Variants in ALK observed in about 807,000 individuals in gnomAD.
The protein encoded by ALK is ALK tyrosine kinase receptor.
Under a neutral mutation model 163.1 loss-of-function variants are expected in ALK, and 74 were observed. The ratio of observed to expected loss-of-function variants is 0.45; its 90% confidence interval spans 0.38 to 0.55. The LOEUF (loss-of-function observed/expected upper bound fraction) is 0.55. Ranked by LOEUF, ALK falls within the 20% of genes least tolerant of loss-of-function variation. ALK has a pLI of 0.00. For synonymous variants in ALK, 960 were observed against 843.2 expected, an observed-to-expected ratio of 1.14 and a Z score of -2.40; for missense variants, 2,063 against 2,105.3, an observed-to-expected ratio of 0.98 and a Z score of 0.39.
intron 4 of ALK, among the ~76,000 whole-genome samples, chr2:29,507,894 C>T (rs762886906): frequency 1.3e-5 from 2 of 152,158 alleles, no homozygotes. Context: ...GTTATCTTGG[C>T]CCCCAGCGTG....
chr2:29,873,876 C>T (rs1357671115), intron 1 of ALK, among the ~76,000 whole-genome samples: 5 of 152,008 alleles, frequency 3.3e-5, no homozygotes, highest in South Asian at 2.1e-4. Context: ...GCATCAAAAT[C>T]GCTTTTAATG....
At chr2:29,330,448 T>C (rs761147815) in intron 5 of ALK, among the ~76,000 whole-genome samples, 25 of 152,174 alleles carry the variant, frequency 1.6e-4, no homozygotes, top group Non-Finnish European at 3.5e-4. Flanking sequence ...AGAACGCTTG[T>C]GCACAATCCC....
At chr2:29,375,317 A>G (rs1447638270) in intron 5 of ALK, among the ~76,000 whole-genome samples, 1 of 151,728 alleles carries the variant, frequency 6.6e-6, no homozygotes. Context: ...TTTTATTTTT[A>G]TTTTTATTTA....
At chr2:29,610,242 A>G (rs1310029103) in intron 3 of ALK, among the ~76,000 whole-genome samples, 1 of 152,094 alleles carries the variant, frequency 6.6e-6, no homozygotes, top group Middle Eastern at 3.2e-3. Context: ...CAGCGTATGG[A>G]TGGGGAAACC....
chr2:29,893,735 A>G (rs1667203629), intron 1 of ALK, among the ~76,000 whole-genome samples: 1 of 152,148 alleles, frequency 6.6e-6, no homozygotes, highest in South Asian at 2.1e-4. Flanking sequence ...ATCTGTAATA[A>G]TAGAAATTAG....
At chr2:29,584,843 C>G (rs1234353332) in intron 3 of ALK, among the ~76,000 whole-genome samples, 1 of 152,216 alleles carries the variant, frequency 6.6e-6, no homozygotes, top group East Asian at 1.9e-4. Context: ...ATTGGTGTCT[C>G]TTTAAGGATC....
chr2:29,424,227 G>T (rs1241131904), intron 4 of ALK, among the ~76,000 whole-genome samples: 1 of 152,018 alleles, frequency 6.6e-6, no homozygotes, highest in African/African-American at 2.4e-5. Flanking sequence ...ACAGACTCAG[G>T]TACAATCATG....
intron 3 of ALK, among the ~76,000 whole-genome samples, chr2:29,627,094 GCACTGCCCTGGCT>G (rs925320498): frequency 6.6e-6 from 1 of 152,190 alleles, no homozygotes; most frequent in African/African-American, 2.4e-5. Flanking sequence ...CTAATGCCAG[GCACTGCCCTGGCT>G]CTGAAGCCAG....
intron 1 of ALK, among the ~76,000 whole-genome samples, chr2:29,848,419 A>T (rs565501196): frequency 1.3e-5 from 2 of 151,912 alleles, no homozygotes; most frequent in South Asian, 4.2e-4. Context: ...GGAAATGAAC[A>T]TGTGTATGCA....
chr2:29,674,571 T>G (rs918390416), intron 3 of ALK, among the ~76,000 whole-genome samples: 18 of 150,998 alleles, frequency 1.2e-4, no homozygotes, highest in South Asian at 8.5e-4. Context: ...GCTGGATTCG[T>G]TTTGCCAGTA....
At chr2:29,900,660 C>T (rs1667387237) in intron 1 of ALK, among the ~76,000 whole-genome samples, 1 of 152,230 alleles carries the variant, frequency 6.6e-6, no homozygotes, top group East Asian at 1.9e-4. Context: ...CATGGGCCAT[C>T]TACACGCCCT....
At chr2:29,664,934 C>A (rs1677464189) in intron 3 of ALK, among the ~76,000 whole-genome samples, 1 of 152,102 alleles carries the variant, frequency 6.6e-6, no homozygotes, top group Non-Finnish European at 1.5e-5. Context: ...CCTTTCATTT[C>A]CCATCCTATA....
intron 3 of ALK, among the ~76,000 whole-genome samples, chr2:29,548,427 C>A (rs1048773100): frequency 6.6e-6 from 1 of 151,034 alleles, no homozygotes; most frequent in East Asian, 1.9e-4. Context: ...GAGCCAAGAT[C>A]ATGCCACTGC....
In ALK at chr2:29,748,388, G is replaced by A. The variant is rs186236618; in HGVS notation, c.668-30691C>T. Among the ~76,000 whole-genome samples, 272 of 152,258 alleles carry A rather than the reference G, an allele frequency of 1.8e-3. 4 individuals carry two copies. Among genetic ancestry groups the A allele is most frequent in the Non-Finnish European group, 2.1e-3 (142 of 68,012 alleles). ...CAAGTGCTCTAAGCATATGGCCCTTGGCAATGCTTCTCAAATGTTAATGTG... is the reference window on the plus strand; with the variant it reads ...CAAGTGCTCTAAGCATATGGCCCTTAGCAATGCTTCTCAAATGTTAATGTG... On this transcript the variant is annotated intron_variant, in intron 1 of 28. Transcript: ENST00000389048.
rs1679303194 is a variant in ALK at position 29,717,676 on chromosome 2, G to T, written c.689C>A (p.Pro230Gln). ...FGTGHSSLESPTNMPSPSPDY... is the reference protein window; with the variant it reads ...FGTGHSSLESQTNMPSPSPDY... ...AGGAGAAGGAGAAGGCATGTTTGTT[G>T]GTGATTCCAAGGAGCTATGACCTGG... The change falls in exon 2 of 29, where the codon CCA becomes CAA. Residue 230 changes from proline (P) to glutamine (Q), a missense_variant. By Grantham distance (76) the Pro-to-Gln change is moderately conservative. Coordinates refer to ENST00000389048, the MANE Select transcript of ALK (RefSeq NM_004304.5). 6.2e-7 allele frequency: 1 copy of T among 1,613,982 alleles called. No homozygotes were observed. Among genetic ancestry groups the T allele is most frequent in the Non-Finnish European group, 8.5e-7 (1 of 1,179,962 alleles).
At chr2:29,750,370 A>G (rs1471569035) in intron 1 of ALK, among the ~76,000 whole-genome samples, 1 of 152,154 alleles carries the variant, frequency 6.6e-6, no homozygotes, top group Non-Finnish European at 1.5e-5. Flanking sequence ...TAAAATATAG[A>G]AAAGGTACTA....
At chr2:29,831,259 GGAAGAAGAAGAA>G (rs201594262) in intron 1 of ALK, among the ~76,000 whole-genome samples, 297 of 28,120 alleles carry the variant, frequency 0.011, 33 homozygotes, top group Middle Eastern at 0.088. Flanking sequence ...AAGAGGAAGA[GGAAGAAGAAGAA>G]GAAGAAGAAG....
intron 1 of ALK, among the ~76,000 whole-genome samples, chr2:29,819,494 T>C (rs1572404812): frequency 6.6e-6 from 1 of 152,388 alleles, no homozygotes; most frequent in East Asian, 1.9e-4. Flanking sequence ...CTGAGTGTTA[T>C]TATTACCATG....
chr2:29,357,257 A>G (rs1216865999), intron 5 of ALK, among the ~76,000 whole-genome samples: 1 of 152,214 alleles, frequency 6.6e-6, no homozygotes, highest in Non-Finnish European at 1.5e-5. Flanking sequence ...ATTAGTGGTG[A>G]CAATGCAGAC....
Sources: allele counts gnomAD v4.1 joint callset (sites outside exome capture counted in the v4.1 genomes callset), GRCh38; gene constraint gnomAD v4.1.1; transcripts MANE v1.5; gene names NCBI Gene and HGNC (gene_info 2026-07-23, HGNC 2026-07-21).